Variants in RPN1 observed in about 807,000 individuals in gnomAD.
The protein encoded by RPN1 is ribophorin I.
RPN1 carries 12 observed loss-of-function variants against 55.5 expected under a neutral mutation model. The observed-to-expected ratio is 0.22, with a 90% CI of 0.14 to 0.35. RPN1 has a LOEUF of 0.35. Among genes scored for constraint, RPN1 ranks in the 10% least tolerant of loss-of-function variants. The pLI is 1.00. For missense variants in RPN1, 679 were observed against 761.3 expected (o/e 0.89, Z 1.27); for synonymous variants, 317 against 305.9 (o/e 1.04, Z -0.38).
intron 1 of RPN1, 119 bp from the exon 2 acceptor site, chr3:128,645,102 A>G (rs1361025908): frequency 9.3e-6 from 6 of 647,210 alleles, no homozygotes. Context: ...AGAACTTTTT[A>G]GAGATTGAAT....
intron 1 of RPN1, among the ~76,000 whole-genome samples, chr3:128,646,558 G>A (rs1433901185): frequency 6.6e-6 from 1 of 151,860 alleles, no homozygotes; most frequent in Non-Finnish European, 1.5e-5. Flanking sequence ...GTGGTGGCAG[G>A]TGCCTGTAAT....
intron 1 of RPN1, among the ~76,000 whole-genome samples, chr3:128,648,451 C>T (rs1206914738): frequency 6.6e-6 from 1 of 151,658 alleles, no homozygotes; most frequent in Non-Finnish European, 1.5e-5. Flanking sequence ...ATCCCAGTTA[C>T]TCCAGAGGAG....
At chr3:128,645,919 A>G (rs1435642026) in intron 1 of RPN1, among the ~76,000 whole-genome samples, 1 of 152,164 alleles carries the variant, frequency 6.6e-6, no homozygotes, top group Non-Finnish European at 1.5e-5. Flanking sequence ...TCAAATAAGC[A>G]TACTCAAAGA....
chr3:128,620,392 T>C lies in RPN1; in HGVS notation c.*19A>G. On this transcript the variant is annotated 3_prime_UTR_variant, in exon 10 of 10. Transcript: ENST00000296255. ...CAAAGTGCAGGCACCCTGGGCCCCC[T>C]GGAGGATGCGGGCAGGGGCTACAGG... 6.2e-7 allele frequency: 1 copy of C among 1,602,102 alleles called. No individual in the cohort carries two copies. Among genetic ancestry groups the C allele is most frequent in the Non-Finnish European group, 8.5e-7 (1 of 1,171,586 alleles).
chr3:128,636,460 C>CA (rs981836803), intron 3 of RPN1, among the ~76,000 whole-genome samples: 6 of 124,906 alleles, frequency 4.8e-5, no homozygotes, highest in Non-Finnish European at 8.2e-5. Flanking sequence ...GACTCCTTCT[C>CA]AAAAAAAATA....
At chr3:128,624,444 C>T (rs897369449) in intron 8 of RPN1, among the ~76,000 whole-genome samples, 1 of 151,298 alleles carries the variant, frequency 6.6e-6, no homozygotes, top group African/African-American at 2.4e-5. Context: ...CGCACCACTG[C>T]ACTCCAGCCT....
chr3:128,635,770 GTATATA>G (rs1457651165), intron 3 of RPN1, among the ~76,000 whole-genome samples: 1 of 148,850 alleles, frequency 6.7e-6, no homozygotes, highest in Non-Finnish European at 1.5e-5. Flanking sequence ...ATACGTGTGT[GTATATA>G]TATAAATATA....
chr3:128,649,441 C>CT (rs1226922143), intron 1 of RPN1, among the ~76,000 whole-genome samples: 3 of 152,124 alleles, frequency 2.0e-5, no homozygotes, highest in African/African-American at 7.2e-5. Flanking sequence ...TTCCACAAGC[C>CT]TTTGAGTAAA....
chr3:128,634,803 C>T (rs778459331), intron 3 of RPN1, among the ~76,000 whole-genome samples: 8 of 151,970 alleles, frequency 5.3e-5, no homozygotes, highest in Non-Finnish European at 8.8e-5. Flanking sequence ...CCTCGTGATC[C>T]GCCAACCTTG....
rs547661919 is a variant in RPN1 at position 128,644,743 on chromosome 3, G to C, written c.326+176C>G. On this transcript the variant is annotated intron_variant, in intron 2 of 9. Coordinates refer to ENST00000296255, the MANE Select transcript of RPN1 (RefSeq NM_002950.4). ...AGAGGCCAAGGTAGAAGGATGGCTT[G>C]AGCTCAGGAGTTCAAGACCAGCCTG... 5 of 646,500 alleles carry C rather than the reference G, an allele frequency of 7.7e-6. No homozygotes were observed. In the African/African-American group the frequency reaches 9.2e-5, roughly 12 times the overall value. 40.0% of individuals were successfully genotyped at this position (646,500 alleles called of 1,614,324 possible). A position where few individuals can be genotyped will look rare whatever the true frequency, so the allele number is the denominator to read the frequency against.
At chr3:128,646,638 A>G (rs1420716750) in intron 1 of RPN1, among the ~76,000 whole-genome samples, 1 of 151,324 alleles carries the variant, frequency 6.6e-6, no homozygotes, top group Non-Finnish European at 1.5e-5. Context: ...GTGAGCCATG[A>G]CCATGCCACT....
rs897873120 is a variant in RPN1 at position 128,620,233 on chromosome 3, G to A, written c.*178C>T. The A allele has an allele frequency of 5.0e-6, 2 of 398,000 alleles. No individual in the cohort carries two copies. The highest frequency in any genetic ancestry group is 2.1e-5 in the African/African-American group (1 of 48,038). The allele number at this position is 398,000 out of a possible 1,614,324, so 24.7% of individuals were successfully genotyped here. A position where few individuals can be genotyped will look rare whatever the true frequency, so the allele number is the denominator to read the frequency against. On this transcript the variant is annotated 3_prime_UTR_variant, in exon 10 of 10. Coordinates refer to ENST00000296255, the MANE Select transcript of RPN1 (RefSeq NM_002950.4). ...TTTTTTAAAAAAAAAAAAAAAGAAA[G>A]TTAAGGACAAACGGCAAACTCACAC... is the stretch of plus-strand genomic sequence containing the variant.
intron 8 of RPN1, 30 bp from the exon 9 acceptor site, chr3:128,622,439 A>C: frequency 3.1e-6 from 5 of 1,612,960 alleles, no homozygotes; most frequent in Non-Finnish European, 4.2e-6. Context: ...CATGTGTGAC[A>C]ACATCCAGGC....
intron 3 of RPN1, among the ~76,000 whole-genome samples, chr3:128,637,135 G>A (rs1209680732): frequency 1.3e-5 from 2 of 152,092 alleles, no homozygotes; most frequent in African/African-American, 4.8e-5. Context: ...CTACATGGGA[G>A]GCTGAGCTGG....
In RPN1 at chr3:128,625,933, G is replaced by A. The variant is rs759305274; in HGVS notation, c.1216C>T (p.Arg406Cys). The change falls in exon 7 of 10, where the codon CGC becomes TGC. Residue 406 changes from arginine to cysteine, a missense_variant. Physicochemically the swap from Arg to Cys is radical, Grantham distance 180. Around this residue, in one of 3 missense-constraint regions of RPN1, gnomAD observed 306 missense variants for 360.0 expected, o/e 0.85. Transcript: ENST00000296255. ...TTCTTGTAGGCAACAATCACAGGGC[G>A]GCCAAATGTGTCCAGATAGGTGTAG... Reference protein sequence around the residue: ...LHYTYLDTFGRPVIVAYKKNL... With the variant: ...LHYTYLDTFGCPVIVAYKKNL... The A allele has an allele frequency of 1.5e-5, 25 of 1,613,758 alleles. No individual in the cohort carries two copies. Among genetic ancestry groups the A allele is most frequent in the African/African-American group, 4.0e-5 (3 of 74,892 alleles).
intron 1 of RPN1, among the ~76,000 whole-genome samples, chr3:128,645,842 A>G (rs1266601178): frequency 3.9e-5 from 6 of 152,088 alleles, no homozygotes; most frequent in Non-Finnish European, 8.8e-5. Context: ...ACACACATAC[A>G]CAAAAAGATT....
chr3:128,646,347 G>A (rs931406319), intron 1 of RPN1, among the ~76,000 whole-genome samples: 1 of 151,600 alleles, frequency 6.6e-6, no homozygotes, highest in Non-Finnish European at 1.5e-5. Context: ...TTACAGGCAC[G>A]AGATACCACG....
At position 128,650,639 on chromosome 3, in the gene RPN1, G is replaced by T; in HGVS notation, c.162C>A (p.Val54=). 6.4e-7 allele frequency: 1 copy of T among 1,557,386 alleles called. No individual in the cohort carries two copies. The highest frequency in any genetic ancestry group is 8.7e-7 in the Non-Finnish European group (1 of 1,150,550). Reference sequence around the variant, plus strand: ...TGGAGCCGCCGCCCAGGTGCGCCAGGACCACCTCGGCCGTCACCTTAGCCA... The same window carrying T: ...TGGAGCCGCCGCCCAGGTGCGCCAGTACCACCTCGGCCGTCACCTTAGCCA... ...SHLAKVTAEV[V]LAHLGGGSTS... is the part of the protein sequence containing the mutation. Residue 54 remains valine, a synonymous_variant, in exon 1 of 10, where the codon GTC becomes GTA. Transcript: ENST00000296255.
intron 1 of RPN1, among the ~76,000 whole-genome samples, chr3:128,646,222 C>CAAAA (rs397803037): frequency 3.5e-4 from 24 of 67,654 alleles, no homozygotes; most frequent in South Asian, 5.2e-4. Context: ...GACTCCGTCT[C>CAAAA]AAAAAAAAAA....
Sources: allele counts gnomAD v4.1 joint callset (sites outside exome capture counted in the v4.1 genomes callset), GRCh38; gene constraint gnomAD v4.1.1; regional missense constraint gnomAD v4.1.1; transcripts MANE v1.5; gene names NCBI Gene and HGNC (gene_info 2026-07-23, HGNC 2026-07-21).